The following VDR variants were observed in gnomAD, a reference collection of about 807,000 sequenced individuals.
VDR encodes vitamin D3 receptor.
VDR carries 19 observed loss-of-function variants against 39.7 expected under a neutral mutation model. That is an observed-to-expected ratio of 0.48 (90% confidence interval 0.33 to 0.70). The LOEUF (loss-of-function observed/expected upper bound fraction) is 0.70. VDR is among the 30% of genes least tolerant of loss of function. The pLI is 0.02. For missense variants in VDR, 442 were observed against 570.5 expected (o/e 0.77, Z 2.29); for synonymous variants, 242 against 215.8 (o/e 1.12, Z -1.07).
intron 1 of VDR, among the ~76,000 whole-genome samples, chr12:47,896,418 C>T (rs1592154439): frequency 2.0e-5 from 3 of 152,078 alleles, no homozygotes; most frequent in Admixed American, 2.0e-4. Context: ...GGAGCAGGGG[C>T]ACTTCAGAGA....
In VDR at chr12:47,848,555, CTTTTTTTTTTTTTTTTTT is replaced by C. The variant is rs1162881183; in HGVS notation, c.756-1765_756-1748del. ...CTCTTTACATGCTTGTTTTCTACTCCTTTTTTTTTTTTTTTTTTTTTTTTTTTTTGAGACAGAGTCTTG... is the reference window on the plus strand; with the variant it reads ...CTCTTTACATGCTTGTTTTCTACTCCTTTTTTTTTTTGAGACAGAGTCTTG... On this transcript the variant is annotated intron_variant, in intron 7 of 9. Transcript: ENST00000549336. 6.9e-5 allele frequency among the ~76,000 whole-genome samples: 4 copies of C among 58,162 alleles called. No homozygotes were observed. The Admixed American group carries it at 8.7e-4, about 13-fold the overall frequency. 38.2% of individuals were successfully genotyped at this position (58,162 alleles called of 152,430 possible). A position where few individuals can be genotyped will look rare whatever the true frequency, so the allele number is the denominator to read the frequency against.
At chr12:47,853,371 A>G (rs1565611026) in intron 7 of VDR, among the ~76,000 whole-genome samples, 2 of 150,204 alleles carry the variant, frequency 1.3e-5, no homozygotes, top group East Asian at 3.9e-4. Flanking sequence ...TGAACCCGGG[A>G]GGCGGAGCTT....
At chr12:47,847,172 A>G (rs572804973) in intron 7 of VDR, among the ~76,000 whole-genome samples, 1 of 151,944 alleles carries the variant, frequency 6.6e-6, no homozygotes, top group African/African-American at 2.4e-5. Flanking sequence ...AACAACACCC[A>G]AGTTTTCTCC....
chr12:47,853,753 C>T (rs1046119053), intron 7 of VDR, among the ~76,000 whole-genome samples: 2 of 151,948 alleles, frequency 1.3e-5, no homozygotes, highest in Admixed American at 1.3e-4. Flanking sequence ...GAAACTCTGT[C>T]TCAAAAAAAA....
intron 4 of VDR, among the ~76,000 whole-genome samples, chr12:47,860,487 G>A (rs1408176713): frequency 6.6e-6 from 1 of 152,232 alleles, no homozygotes; most frequent in Admixed American, 6.5e-5. Flanking sequence ...CCAGAGAGCT[G>A]AGAAAGCTGA....
chr12:47,866,603 C>T lies in VDR; in HGVS notation c.147-1426G>A, dbSNP rs554841829. ...ATAGCTCTAGACATCCCAGAACCTG[C>T]CCAGAAAAAGAAGGGGCCAGACAAG... On this transcript the variant is annotated intron_variant, in intron 3 of 9. Transcript: ENST00000549336. Among the ~76,000 whole-genome samples, 12 of 152,254 alleles carry T rather than the reference C, an allele frequency of 7.9e-5. 1 individual carries two copies. In the South Asian group the frequency reaches 2.5e-3, roughly 32 times the overall value.
intron 1 of VDR, chr12:47,904,471 A>T: frequency 1.1e-6 from 1 of 889,966 alleles, no homozygotes; most frequent in Non-Finnish European, 1.6e-6. Context: ...GTAAAAAAAA[A>T]AAAAAAAAAA....
intron 3 of VDR, among the ~76,000 whole-genome samples, chr12:47,872,206 G>A (rs1478735730): frequency 6.6e-6 from 1 of 152,170 alleles, no homozygotes; most frequent in Non-Finnish European, 1.5e-5. Context: ...CACAACCTTG[G>A]GCAAGTTACT....
intron 3 of VDR, among the ~76,000 whole-genome samples, chr12:47,873,370 T>C (rs983593558): frequency 1.6e-4 from 21 of 127,836 alleles, no homozygotes; most frequent in Admixed American, 1.5e-3. Context: ...TTTTTTTTTT[T>C]TTTTTTTTTT....
At chr12:47,849,166 T>C (rs1029571187) in intron 7 of VDR, among the ~76,000 whole-genome samples, 1 of 152,216 alleles carries the variant, frequency 6.6e-6, no homozygotes, top group Non-Finnish European at 1.5e-5. Context: ...ACCCCGTCAA[T>C]GGCTGCATGT....
intron 2 of VDR, 38 bp from the exon 3 acceptor site, chr12:47,879,153 G>A (rs1173278324): frequency 1.2e-6 from 2 of 1,605,110 alleles, no homozygotes; most frequent in Non-Finnish European, 1.7e-6. Flanking sequence ...CAGAGCCAGA[G>A]TCAGTGCCAG....
chr12:47,882,837 A>G, intron 1 of VDR, 63 bp from the exon 2 acceptor site: 1 of 1,352,450 alleles, frequency 7.4e-7, no homozygotes, highest in Non-Finnish European at 1.0e-6. Context: ...CCCAGTCTCT[A>G]AGGAAGTGGG....
chr12:47,882,703 C>G lies in VDR; in HGVS notation c.-12G>C, dbSNP rs886049438. 1.0e-5 allele frequency: 15 copies of G among 1,475,984 alleles called. No homozygotes were observed. The highest frequency in any genetic ancestry group is 2.9e-5 in the African/African-American group (2 of 68,416). The allele number at this position is 1,475,984 out of a possible 1,614,324, so 91.4% of individuals were successfully genotyped here. A position where few individuals can be genotyped will look rare whatever the true frequency, so the allele number is the denominator to read the frequency against. On this transcript the variant is annotated 5_prime_UTR_variant, in exon 2 of 10. Coordinates refer to ENST00000549336, the MANE Select transcript of VDR (RefSeq NM_000376.3). ...ATGAGGAAACACCTACCTGAAGGAG[C>G]AGGGGGCAGGTAAGTGGAGCCCAGG...
intron 1 of VDR, 26 bp from the exon 2 acceptor site, chr12:47,882,800 T>C (rs2137212988): frequency 6.5e-7 from 1 of 1,528,086 alleles, no homozygotes. Flanking sequence ...GGAAACCTTT[T>C]ATCTAAGGCG....
intron 3 of VDR, among the ~76,000 whole-genome samples, chr12:47,869,596 G>A (rs1945811196): frequency 6.9e-6 from 1 of 145,228 alleles, no homozygotes; most frequent in Admixed American, 6.8e-5. Flanking sequence ...GCTGAATTAA[G>A]AGAAAGTACT....
chr12:47,881,159 C>A (rs1016379503), intron 2 of VDR, among the ~76,000 whole-genome samples: 1 of 151,304 alleles, frequency 6.6e-6, no homozygotes, highest in African/African-American at 2.4e-5. Flanking sequence ...CGTATACTGT[C>A]CTTTTTACAC....
At chr12:47,894,885 C>T (rs527883222) in intron 1 of VDR, among the ~76,000 whole-genome samples, 12 of 152,318 alleles carry the variant, frequency 7.9e-5, no homozygotes, top group East Asian at 3.9e-4. Flanking sequence ...CACCTGCCTC[C>T]ACCTGTGGAT....
intron 3 of VDR, among the ~76,000 whole-genome samples, chr12:47,873,212 C>T (rs1253728212): frequency 3.3e-5 from 5 of 152,028 alleles, no homozygotes; most frequent in African/African-American, 4.8e-5. Context: ...TAAAGTGTGG[C>T]GCTTCCCCCT....
At chr12:47,855,226 G>T (rs1043689864) in intron 7 of VDR, among the ~76,000 whole-genome samples, 2 of 152,144 alleles carry the variant, frequency 1.3e-5, no homozygotes, top group African/African-American at 2.4e-5. Context: ...TACTTAGGAG[G>T]CTGAGGCAGG....
Sources: allele counts gnomAD v4.1 joint callset (sites outside exome capture counted in the v4.1 genomes callset), GRCh38; gene constraint gnomAD v4.1.1; transcripts MANE v1.5; gene names NCBI Gene and HGNC (gene_info 2026-07-23, HGNC 2026-07-21).